Variants in ZMIZ1 observed in about 807,000 individuals in gnomAD.
ZMIZ1 encodes zinc finger MIZ domain-containing protein 1.
ZMIZ1 carries 17 observed loss-of-function variants against 113.9 expected under a neutral mutation model. That is an observed-to-expected ratio of 0.15 (90% CI 0.10 to 0.22). The LOEUF is 0.22. ZMIZ1 is among the 10% of genes least tolerant of loss of function. The probability of loss-of-function intolerance (pLI) is 1.00; values close to 1 mark genes in which losing one functional copy is unlikely to be tolerated. For missense variants in ZMIZ1, 1,059 were observed against 1,477.8 expected, an observed-to-expected ratio of 0.72 and a Z score of 4.65; for synonymous variants, 607 against 603.1, an observed-to-expected ratio of 1.01 and a Z score of -0.09.
Position 79,144,226 on chromosome 10 carries a change from C to G in ZMIZ1, c.-131+4449C>G, listed in dbSNP as rs375142294. On this transcript the variant is annotated intron_variant, in intron 3 of 24. Coordinates refer to ENST00000334512, the MANE Select transcript of ZMIZ1 (RefSeq NM_020338.4). ...AGGCGGGACTGGACTGGACTTACCT[C>G]CATTGAACTGATGGGTAAAACAGGG... Among the ~76,000 whole-genome samples, 127 of 152,306 alleles carry G rather than the reference C, an allele frequency of 8.3e-4. 2 individuals are homozygous for G. The South Asian group carries it at 0.026, about 31-fold the overall frequency.
At position 79,197,595 on chromosome 10, in the gene ZMIZ1, T is replaced by TACACACACACACACAC. The variant is rs10648318; in HGVS notation, c.-49-3974_-49-3973insCACACACACACACACA. 2.0e-3 allele frequency among the ~76,000 whole-genome samples: 271 copies of TACACACACACACACAC among 136,794 alleles called. 2 individuals carry two copies. The highest frequency in any genetic ancestry group is 7.7e-3 in the East Asian group (33 of 4,308). 89.7% of individuals were successfully genotyped at this position (136,794 alleles called of 152,430 possible). On this transcript the variant is annotated intron_variant, in intron 4 of 24. Coordinates refer to ENST00000334512, the MANE Select transcript of ZMIZ1 (RefSeq NM_020338.4). ...ATTACGCCCCTGCCAACCCAGACCA[T>TACACACACACACACAC]ACACACACACACACATACACACACA... is the stretch of plus-strand genomic sequence containing the variant.
intron 1 of ZMIZ1, among the ~76,000 whole-genome samples, chr10:79,079,645 G>GT (rs1414407459): frequency 3.9e-5 from 6 of 152,156 alleles, no homozygotes; most frequent in East Asian, 1.9e-4. Flanking sequence ...GGGCCGGGGG[G>GT]GTCCAGGGAA....
chr10:79,158,872 T>A (rs553297681), intron 3 of ZMIZ1, among the ~76,000 whole-genome samples: 1 of 152,350 alleles, frequency 6.6e-6, no homozygotes, highest in East Asian at 1.9e-4. Context: ...CCCATCCTTC[T>A]CAGTGTCATG....
At chr10:79,240,130 G>A (rs1849754639) in intron 7 of ZMIZ1, among the ~76,000 whole-genome samples, 1 of 152,136 alleles carries the variant, frequency 6.6e-6, no homozygotes, top group Admixed American at 6.5e-5. Flanking sequence ...GGCCTCCCAA[G>A]CGCTGGCGGG....
intron 7 of ZMIZ1, among the ~76,000 whole-genome samples, chr10:79,228,624 G>A (rs1269868798): frequency 1.3e-5 from 2 of 152,248 alleles, no homozygotes; most frequent in Non-Finnish European, 2.9e-5. Context: ...AGCATGCATG[G>A]CAGAGCAAGG....
intron 10 of ZMIZ1, 52 bp from the exon 11 acceptor site, chr10:79,292,106 T>C (rs1853533061): frequency 3.3e-6 from 5 of 1,535,680 alleles, no homozygotes; most frequent in Middle Eastern, 2.4e-4. Context: ...TTGCCCTCAG[T>C]TCCCCTCAGA....
At chr10:79,189,466 A>G (rs978126702) in intron 4 of ZMIZ1, among the ~76,000 whole-genome samples, 1 of 152,212 alleles carries the variant, frequency 6.6e-6, no homozygotes, top group Non-Finnish European at 1.5e-5. Context: ...TCACTAACCC[A>G]GTGAATCAGC....
intron 7 of ZMIZ1, among the ~76,000 whole-genome samples, chr10:79,241,437 GA>G (rs1405355930): frequency 1.3e-5 from 2 of 152,180 alleles, no homozygotes; most frequent in South Asian, 2.1e-4. Context: ...AGATGGAGGT[GA>G]GGATAAGCAG....
intron 12 of ZMIZ1, chr10:79,294,328 CTG>C (rs1853726495): frequency 1.3e-5 from 2 of 154,782 alleles, no homozygotes. Context: ...CACTTGGTCA[CTG>C]TATAGGAAGT....
intron 2 of ZMIZ1, among the ~76,000 whole-genome samples, chr10:79,132,344 ACCAGCCTTTTCG>A (rs889589382): frequency 1.2e-5 from 1 of 83,264 alleles, no homozygotes; most frequent in Non-Finnish European, 2.7e-5. Context: ...TACTCTGATC[ACCAGCCTTTTCG>A]GCCGGGCTTT....
intron 10 of ZMIZ1, 144 bp downstream of exon 10, chr10:79,291,320 G>A: frequency 9.2e-7 from 1 of 1,084,196 alleles, no homozygotes; most frequent in South Asian, 1.7e-5. Context: ...AAGGGGCTCA[G>A]TCATCCCTGG....
rs572525697 is a variant in ZMIZ1 at position 79,130,639 on chromosome 10, G to A, written c.-226-9043G>A. Reference sequence around the variant, plus strand: ...CCATGGTTGGTGCATAGGCGCTGGGGTCATAATATGAGGGTCTGATTCCGG... The same window carrying A: ...CCATGGTTGGTGCATAGGCGCTGGGATCATAATATGAGGGTCTGATTCCGG... On this transcript the variant is annotated intron_variant, in intron 2 of 24. Transcript: ENST00000334512. Among the ~76,000 whole-genome samples, 86 of 152,196 alleles carry A rather than the reference G, an allele frequency of 5.7e-4. 1 individual carries two copies. Among genetic ancestry groups the A allele is most frequent in the Non-Finnish European group, 1.1e-3 (72 of 68,030 alleles).
intron 6 of ZMIZ1, among the ~76,000 whole-genome samples, chr10:79,213,530 C>T (rs1250581): frequency 1 from 152,327 of 152,334 alleles, 76,160 homozygotes; most frequent in Middle Eastern, 1. Context: ...ACCCACCCGG[C>T]TGGCCCTTAG....
At chr10:79,139,279 C>T (rs1845156719) in intron 2 of ZMIZ1, among the ~76,000 whole-genome samples, 1 of 152,078 alleles carries the variant, frequency 6.6e-6, no homozygotes, top group South Asian at 2.1e-4. Flanking sequence ...AAGCCAGGCA[C>T]GGCGCAGAGA....
intron 1 of ZMIZ1, among the ~76,000 whole-genome samples, chr10:79,104,833 A>T (rs2132273496): frequency 6.6e-6 from 1 of 152,314 alleles, no homozygotes; most frequent in African/African-American, 2.4e-5. Context: ...AACCAGAGGC[A>T]GTAATGAGCT....
intron 1 of ZMIZ1, among the ~76,000 whole-genome samples, chr10:79,080,078 C>T (rs1426415338): frequency 1.3e-5 from 2 of 152,180 alleles, no homozygotes; most frequent in East Asian, 1.9e-4. Context: ...GAGCCGCTGG[C>T]CGGCCACTCT....
At chr10:79,237,710 T>C (rs1417728323) in intron 7 of ZMIZ1, among the ~76,000 whole-genome samples, 1 of 152,252 alleles carries the variant, frequency 6.6e-6, no homozygotes, top group African/African-American at 2.4e-5. Flanking sequence ...GCAAAGGCCC[T>C]ACTTCCTTCC....
intron 1 of ZMIZ1, among the ~76,000 whole-genome samples, chr10:79,075,886 T>G (rs1325698007): frequency 6.6e-6 from 1 of 152,220 alleles, no homozygotes; most frequent in African/African-American, 2.4e-5. Context: ...TAAATGGAGA[T>G]CTGTCCTCTC....
At chr10:79,263,514 G>C (rs1405883227) in intron 7 of ZMIZ1, among the ~76,000 whole-genome samples, 3 of 152,120 alleles carry the variant, frequency 2.0e-5, no homozygotes, top group Non-Finnish European at 4.4e-5. Context: ...CTTCAGGTTT[G>C]GGAAGATTTG....
Sources: gnomAD v4.1 joint callset for allele counts (sites outside exome capture counted in the v4.1 genomes callset) on GRCh38, gnomAD v4.1.1 for gene constraint, MANE v1.5 for transcripts, NCBI Gene and HGNC (gene_info 2026-07-23, HGNC 2026-07-21) for gene names.